The following RBFOX1 variants were observed in gnomAD, a reference collection of about 807,000 sequenced individuals.
RBFOX1 encodes the protein RNA binding protein fox-1 homolog 1.
RBFOX1 carries 8 observed loss-of-function variants against 57.7 expected under a neutral mutation model. The observed-to-expected ratio is 0.14, with a 90% CI of 0.08 to 0.25. RBFOX1 has a LOEUF of 0.25. RBFOX1 is among the 10% of genes least tolerant of loss of function. RBFOX1 has a pLI of 1.00. For missense variants in RBFOX1, 611 were observed against 548.5 expected (o/e 1.11, Z -1.14); for synonymous variants, 326 against 222.4 (o/e 1.47, Z -4.15).
intron 7 of RBFOX1, 68 bp from the exon 8 acceptor site, chr16:7,595,481 A>T: frequency 8.0e-7 from 1 of 1,251,272 alleles, no homozygotes; most frequent in Non-Finnish European, 1.1e-6. Flanking sequence ...GCGAGAGAAC[A>T]TTACCAAGTG....
chr16:5,440,405 G>T (rs1370714771), intron 1 of RBFOX1, among the ~76,000 whole-genome samples: 1 of 152,126 alleles, frequency 6.6e-6, no homozygotes, highest in African/African-American at 2.4e-5. Flanking sequence ...AAAGCTATGG[G>T]TTATCTTTTG....
chr16:6,648,804 G>C (rs561009697), intron 2 of RBFOX1, among the ~76,000 whole-genome samples: 66 of 152,260 alleles, frequency 4.3e-4, no homozygotes, highest in African/African-American at 1.5e-3. Context: ...AATACAGCCT[G>C]AGAATCTGGG....
chr16:6,435,096 T>G (rs2094197653), intron 2 of RBFOX1, among the ~76,000 whole-genome samples: 1 of 152,222 alleles, frequency 6.6e-6, no homozygotes, highest in Admixed American at 6.5e-5. Context: ...ATAGCATTAG[T>G]CAGTCGAAGT....
At chr16:6,148,727 C>T (rs2096776825) in intron 1 of RBFOX1, among the ~76,000 whole-genome samples, 1 of 152,194 alleles carries the variant, frequency 6.6e-6, no homozygotes, top group Non-Finnish European at 1.5e-5. Context: ...GAGTAAAGTT[C>T]ATTTGCCATA....
intron 2 of RBFOX1, among the ~76,000 whole-genome samples, chr16:6,343,931 G>A (rs772609386): frequency 1.3e-5 from 2 of 152,076 alleles, no homozygotes; most frequent in Non-Finnish European, 2.9e-5. Flanking sequence ...AGGTTTTCAC[G>A]AGTCTCTGGC....
At chr16:7,268,976 G>T (rs1408113155) in intron 4 of RBFOX1, among the ~76,000 whole-genome samples, 2 of 140,328 alleles carry the variant, frequency 1.4e-5, no homozygotes, top group Non-Finnish European at 1.5e-5. Context: ...GGCAGAGTTT[G>T]CAGTGAGCCG....
chr16:7,195,183 G>T (rs1376477532), intron 4 of RBFOX1, among the ~76,000 whole-genome samples: 1 of 152,188 alleles, frequency 6.6e-6, no homozygotes, highest in Non-Finnish European at 1.5e-5. Flanking sequence ...CATATTAGGA[G>T]TTGGGGTGGA....
At chr16:7,197,606 C>G (rs1567668014) in intron 4 of RBFOX1, among the ~76,000 whole-genome samples, 1 of 152,100 alleles carries the variant, frequency 6.6e-6, no homozygotes, top group Non-Finnish European at 1.5e-5. Context: ...AACAAGTACT[C>G]AAACAAAAAT....
At chr16:5,476,361 C>G (rs536023110) in intron 2 of RBFOX1, among the ~76,000 whole-genome samples, 38 of 152,334 alleles carry the variant, frequency 2.5e-4, no homozygotes, top group African/African-American at 8.7e-4. Flanking sequence ...ATGCTCCAAA[C>G]TGGAGAGGCT....
intron 3 of RBFOX1, among the ~76,000 whole-genome samples, chr16:5,834,931 T>A (rs1046685659): frequency 1.3e-5 from 2 of 152,210 alleles, no homozygotes; most frequent in African/African-American, 4.8e-5. Context: ...CATAGCGTTT[T>A]CCACAGAGGT....
At chr16:5,619,691 C>G (rs2048146486) in intron 3 of RBFOX1, among the ~76,000 whole-genome samples, 1 of 152,156 alleles carries the variant, frequency 6.6e-6, no homozygotes, top group Admixed American at 6.5e-5. Context: ...TTGCCAGAAA[C>G]TCTTGGAGAG....
chr16:6,005,539 G>A (rs760888427), intron 4 of RBFOX1, among the ~76,000 whole-genome samples: 3 of 152,222 alleles, frequency 2.0e-5, no homozygotes, highest in Non-Finnish European at 2.9e-5. Flanking sequence ...TGGCAGTGTT[G>A]ACGTTCTGAG....
intron 3 of RBFOX1, among the ~76,000 whole-genome samples, chr16:5,757,354 C>A (rs970713727): frequency 6.6e-6 from 1 of 151,728 alleles, no homozygotes; most frequent in African/African-American, 2.4e-5. Context: ...GCCTCAGCCT[C>A]CCGAGTAGCT....
chr16:7,110,347 C>T (rs1255511370), intron 4 of RBFOX1, among the ~76,000 whole-genome samples: 1 of 151,832 alleles, frequency 6.6e-6, no homozygotes, highest in Non-Finnish European at 1.5e-5. Flanking sequence ...GGTGACAGAG[C>T]AAGATCCTGA....
rs1261611940 is a variant in RBFOX1, at chr16:5,412,083, A to C, written c.220-55133A>C. Among the ~76,000 whole-genome samples the C allele has an allele frequency of 3.3e-5, 5 of 151,714 alleles. No individual in the cohort carries two copies. In the South Asian group the frequency reaches 8.4e-4, roughly 25 times the overall value. On this transcript the variant is annotated intron_variant, in intron 1 of 2. Transcript: ENST00000585867. ...GCAGAATGTCTTGCCCTCCTGAAGG[A>C]GGTAGCCTGGATAATGGGGACCACT... is the stretch of plus-strand genomic sequence containing the variant.
chr16:6,657,414 C>T (rs528314282), intron 3 of RBFOX1, among the ~76,000 whole-genome samples: 14 of 152,110 alleles, frequency 9.2e-5, no homozygotes, highest in African/African-American at 2.2e-4. Flanking sequence ...TGAGGGACGG[C>T]GTGCCCCTCA....
At chr16:6,811,129 A>C (rs913101530) in intron 3 of RBFOX1, among the ~76,000 whole-genome samples, 4 of 152,228 alleles carry the variant, frequency 2.6e-5, no homozygotes, top group African/African-American at 9.6e-5. Context: ...GATTTTGCTG[A>C]GTAACTTCTA....
intron 3 of RBFOX1, among the ~76,000 whole-genome samples, chr16:6,966,467 A>G (rs555155166): frequency 4.6e-5 from 7 of 152,282 alleles, no homozygotes; most frequent in East Asian, 1.9e-4. Flanking sequence ...TCATTCTGCC[A>G]TCCACGGAGC....
intron 2 of RBFOX1, among the ~76,000 whole-genome samples, chr16:6,367,227 T>G (rs1476934009): frequency 1.3e-5 from 2 of 151,746 alleles, no homozygotes; most frequent in African/African-American, 4.8e-5. Context: ...CACTGTAGGT[T>G]TAGCCCTTCT....
Sources: gnomAD v4.1 joint callset for allele counts (sites outside exome capture counted in the v4.1 genomes callset) on GRCh38, gnomAD v4.1.1 for gene constraint, MANE v1.5 for transcripts, NCBI Gene and HGNC (gene_info 2026-07-23, HGNC 2026-07-21) for gene names.